The following NOC3L variants were observed in gnomAD, a reference collection of about 807,000 sequenced individuals.
NOC3L encodes NOC3 like DNA replication regulator.
A neutral mutation model predicts 102.5 loss-of-function variants in NOC3L; 85 were observed. That is an observed-to-expected ratio of 0.83 (90% confidence interval 0.70 to 0.99). The LOEUF (loss-of-function observed/expected upper bound fraction) is 0.99, where lower values mean the gene tolerates loss of function less well. NOC3L is among the 50% of genes least tolerant of loss of function. NOC3L has a pLI of 0.00. For missense variants in NOC3L, 878 were observed against 914.9 expected (o/e 0.96, Z 0.52); for synonymous variants, 303 against 309.4 (o/e 0.98, Z 0.22).
At chr10:94,362,720 C>T (rs1218118296) in intron 1 of NOC3L, 110 bp downstream of exon 1, 1 of 1,222,308 alleles carries the variant, frequency 8.2e-7, no homozygotes, top group African/African-American at 1.5e-5. Flanking sequence ...CAGTCTAAAC[C>T]ACCGCCCCCT....
chr10:94,349,516 C>T (rs1042851139), intron 9 of NOC3L, 138 bp from the exon 10 acceptor site: 22 of 626,540 alleles, frequency 3.5e-5, no homozygotes, highest in Non-Finnish European at 5.6e-5. Context: ...CACTAGATGC[C>T]AGTAGTTAAG....
At chr10:94,345,436 T>G (rs1015401041) in intron 11 of NOC3L, among the ~76,000 whole-genome samples, 1 of 152,030 alleles carries the variant, frequency 6.6e-6, no homozygotes, top group Non-Finnish European at 1.5e-5. Context: ...ATAAAGAAAT[T>G]CAATAAAATA....
chr10:94,330,256 G>C (rs1730792299), downstream of NOC3L: 1 of 152,256 alleles, frequency 6.6e-6, no homozygotes. Flanking sequence ...AGGTTGTTTA[G>C]CAAGTGAGAG....
rs1392800313 is a variant in NOC3L, at chr10:94,352,830, A to AG, written c.858+65_858+66insC. On this transcript the variant is annotated intron_variant, in intron 7 of 20. Coordinates refer to ENST00000371361, the MANE Select transcript of NOC3L (RefSeq NM_022451.11). ...GAGTAAAACTCTGCCTCAAAAAAAA[A>AG]AAGTCTATCTCTCCAAAATGTTTAG... is the stretch of plus-strand genomic sequence containing the variant. 6.2e-6 allele frequency: 9 copies of AG among 1,451,356 alleles called. No individual in the cohort carries two copies. The East Asian group carries it at 1.8e-4, about 30-fold the overall frequency. 89.9% of individuals were successfully genotyped at this position (1,451,356 alleles called of 1,614,324 possible). A position where few individuals can be genotyped will look rare whatever the true frequency, so the allele number is the denominator to read the frequency against.
intron 6 of NOC3L, among the ~76,000 whole-genome samples, chr10:94,353,640 A>G (rs1024866401): frequency 6.6e-6 from 1 of 152,244 alleles, no homozygotes; most frequent in Non-Finnish European, 1.5e-5. Flanking sequence ...CCTCCAAACT[A>G]TATCAGTAAT....
chr10:94,362,228 A>C (rs1302980877), intron 1 of NOC3L, among the ~76,000 whole-genome samples: 1 of 152,214 alleles, frequency 6.6e-6, no homozygotes, highest in African/African-American at 2.4e-5. Context: ...ACATTTATCT[A>C]CGATTTTATT....
chr10:94,351,096 C>T (rs79207363), intron 8 of NOC3L, among the ~76,000 whole-genome samples: 4,537 of 152,010 alleles, frequency 0.03, 105 homozygotes, highest in Middle Eastern at 0.11. Flanking sequence ...GATGGTTGCA[C>T]AAAGATCCCA....
At position 94,349,332 on chromosome 10, in the gene NOC3L, T is replaced by G. The variant is rs750803642; in HGVS notation, c.1175A>C (p.Asp392Ala). The G allele has an allele frequency of 6.3e-7, 1 of 1,586,450 alleles. No individual in the cohort carries two copies. Among genetic ancestry groups the G allele is most frequent in the Middle Eastern group, 1.7e-4 (1 of 5,980 alleles). ...ACCAAGAGAAGCTTGGCCTAATTTA[T>G]CTTGCTTAAAGAGTTTCTTCACAGC... ...CEAVKKLFKQDKLGQASLGVI... is the reference protein window; with the variant it reads ...CEAVKKLFKQAKLGQASLGVI... The change falls in exon 10 of 21, where the codon GAT (aspartate) becomes GCT (alanine). Residue 392 changes from aspartate (D) to alanine (A), a missense_variant. Transcript: ENST00000371361.
the NOC3L span, among the ~76,000 whole-genome samples, chr10:94,320,213 TAC>T: frequency 6.6e-6 from 1 of 152,136 alleles, no homozygotes; most frequent in Non-Finnish European, 1.5e-5. Flanking sequence ...ATACATAGGA[TAC>T]AATCTCATTT....
chr10:94,332,428 A>C (rs1332394194), downstream of NOC3L: 1 of 152,134 alleles, frequency 6.6e-6, no homozygotes, highest in Non-Finnish European at 1.5e-5. Context: ...CTAAACACAC[A>C]GTAGGTGCTC....
the NOC3L span, chr10:94,322,024 C>A: frequency 1.9e-6 from 3 of 1,614,030 alleles, no homozygotes; most frequent in Non-Finnish European, 2.5e-6. Flanking sequence ...CATCAAAGCA[C>A]CCCGCGTCAG....
intron 3 of NOC3L, 23 bp from the exon 4 acceptor site, chr10:94,357,354 T>C: frequency 6.5e-7 from 1 of 1,541,056 alleles, no homozygotes; most frequent in Non-Finnish European, 8.7e-7. Context: ...AAAAGATCAA[T>C]TTTCAGTCTT....
chr10:94,354,591 T>A (rs901386767), intron 6 of NOC3L, among the ~76,000 whole-genome samples: 1 of 152,214 alleles, frequency 6.6e-6, no homozygotes, highest in Non-Finnish European at 1.5e-5. Context: ...TTCCATACAC[T>A]TCCCCTGTAG....
chr10:94,361,551 T>G (rs2054550999), intron 2 of NOC3L, 114 bp downstream of exon 2: 3 of 957,426 alleles, frequency 3.1e-6, no homozygotes, highest in Non-Finnish European at 4.9e-6. Context: ...CCTTACCCAC[T>G]CTAGGAAGAT....
At chr10:94,336,993 C>T (rs1440820006) in intron 19 of NOC3L, among the ~76,000 whole-genome samples, 2 of 149,888 alleles carry the variant, frequency 1.3e-5, no homozygotes, top group South Asian at 2.1e-4. Context: ...CGCTTGAACC[C>T]GGGAGGCGGA....
chr10:94,316,728 G>C, the NOC3L span: 3 of 1,613,808 alleles, frequency 1.9e-6, no homozygotes, highest in Non-Finnish European at 2.5e-6. Context: ...GGATACATGG[G>C]CAGGATTGTC....
chr10:94,332,950 C>T (rs1023984909), downstream of NOC3L: 22 of 152,120 alleles, frequency 1.4e-4, no homozygotes, highest in Non-Finnish European at 4.4e-5. Flanking sequence ...CTGAATCATA[C>T]CTTTCTCATT....
intron 11 of NOC3L, 72 bp from the exon 12 acceptor site, chr10:94,345,005 T>A: frequency 1.0e-6 from 1 of 1,000,642 alleles, no homozygotes; most frequent in Non-Finnish European, 1.5e-6. Context: ...GCAGAATACG[T>A]AAATGTCATA....
intron 8 of NOC3L, among the ~76,000 whole-genome samples, chr10:94,351,091 T>C (rs191919202): frequency 3.7e-4 from 57 of 152,244 alleles, no homozygotes; most frequent in Non-Finnish European, 1.6e-4. Flanking sequence ...ACAGAGATGG[T>C]TGCACAAAGA....
Sources: gnomAD v4.1 joint callset for allele counts (sites outside exome capture counted in the v4.1 genomes callset) on GRCh38, gnomAD v4.1.1 for gene constraint, MANE v1.5 for transcripts, NCBI Gene and HGNC (gene_info 2026-07-23, HGNC 2026-07-21) for gene names.